Variants in PDZRN3 observed in about 807,000 individuals in gnomAD.
PDZRN3 encodes PDZ domain containing ring finger 3.
In PDZRN3, 38 loss-of-function variants were observed where a neutral mutation model predicts 85.7. That is an observed-to-expected ratio of 0.44 (90% CI 0.34 to 0.58). The LOEUF (loss-of-function observed/expected upper bound fraction) is 0.58. PDZRN3 is among the 20% of genes least tolerant of loss of function. PDZRN3 has a pLI of 0.01. For missense variants in PDZRN3, 1,629 were observed against 1,506.4 expected (o/e 1.08, Z -1.35); for synonymous variants, 759 against 638.0 (o/e 1.19, Z -2.86).
At position 73,384,412 on chromosome 3, in the gene PDZRN3, G is replaced by T. The variant is rs755992459; in HGVS notation, c.2154C>A (p.Ser718=). The T allele has an allele frequency of 5.6e-6, 9 of 1,610,188 alleles. No individual in the cohort carries two copies. The highest frequency in any genetic ancestry group is 7.6e-6 in the Non-Finnish European group (9 of 1,179,942). The change falls in exon 10 of 10, where the codon TCC becomes TCA. Residue 718 remains serine (S), a synonymous_variant. Coordinates refer to ENST00000263666, the MANE Select transcript of PDZRN3 (RefSeq NM_015009.3). ...MQQLKEQYRE[S]WMLHNSGFRN... is the part of the protein sequence containing the mutation. ...GGAAGCCGCTGTTGTGCAGCATCCAGGACTCGCGGTACTGCTCCTTGAGCT... is the reference window on the plus strand; with the variant it reads ...GGAAGCCGCTGTTGTGCAGCATCCATGACTCGCGGTACTGCTCCTTGAGCT...
At chr3:73,575,708 C>T (rs558440636) in intron 3 of PDZRN3, among the ~76,000 whole-genome samples, 3 of 152,250 alleles carry the variant, frequency 2.0e-5, no homozygotes, top group Admixed American at 6.5e-5. Context: ...GGCTCTAGTC[C>T]CAACTCTGCA....
intron 3 of PDZRN3, among the ~76,000 whole-genome samples, chr3:73,532,204 A>G (rs890733290): frequency 5.9e-5 from 9 of 151,534 alleles, no homozygotes; most frequent in African/African-American, 1.9e-4. Context: ...ACGGGGTTTC[A>G]CCGTGTTAGG....
intron 3 of PDZRN3, among the ~76,000 whole-genome samples, chr3:73,459,133 TGCCA>T (rs1163829463): frequency 6.6e-6 from 1 of 151,458 alleles, no homozygotes; most frequent in African/African-American, 2.4e-5. Flanking sequence ...AGAGAATGAG[TGCCA>T]GCAAGGGAAA....
intron 3 of PDZRN3, among the ~76,000 whole-genome samples, chr3:73,414,088 A>T (rs1702028700): frequency 6.6e-6 from 1 of 152,236 alleles, no homozygotes; most frequent in Non-Finnish European, 1.5e-5. Flanking sequence ...GGCATAAAAA[A>T]ATAGTACAGT....
intron 5 of PDZRN3, among the ~76,000 whole-genome samples, chr3:73,391,958 C>T (rs982659576): frequency 1.3e-5 from 2 of 152,146 alleles, no homozygotes; most frequent in African/African-American, 4.8e-5. Context: ...GTTATCTGCT[C>T]ACCAAGCAGG....
chr3:73,527,442 C>T (rs1029026044), intron 3 of PDZRN3, among the ~76,000 whole-genome samples: 4 of 152,038 alleles, frequency 2.6e-5, no homozygotes, highest in Non-Finnish European at 5.9e-5. Context: ...CTGAGGTCCT[C>T]GAATGTGCAG....
At chr3:73,589,995 T>C (rs1702332016) in intron 3 of PDZRN3, among the ~76,000 whole-genome samples, 1 of 151,938 alleles carries the variant, frequency 6.6e-6, no homozygotes, top group Non-Finnish European at 1.5e-5. Context: ...TTAGCTGGGC[T>C]CAGCGGCTCA....
intron 3 of PDZRN3, among the ~76,000 whole-genome samples, chr3:73,449,626 G>A (rs1360271142): frequency 3.3e-5 from 5 of 152,142 alleles, no homozygotes; most frequent in African/African-American, 1.2e-4. Flanking sequence ...CGAACAACGC[G>A]TGTAAAATTA....
intron 3 of PDZRN3, among the ~76,000 whole-genome samples, chr3:73,553,748 C>G (rs1015251711): frequency 6.6e-6 from 1 of 152,180 alleles, no homozygotes; most frequent in Non-Finnish European, 1.5e-5. Flanking sequence ...AATGTCAATA[C>G]AGGCTGGAGG....
chr3:73,527,397 A>G (rs554609024), intron 3 of PDZRN3, among the ~76,000 whole-genome samples: 9 of 152,296 alleles, frequency 5.9e-5, no homozygotes, highest in African/African-American at 1.9e-4. Context: ...TTAGAAACGG[A>G]TATCTTGCAT....
intron 3 of PDZRN3, among the ~76,000 whole-genome samples, chr3:73,596,299 G>A (rs1462407187): frequency 6.6e-6 from 1 of 152,082 alleles, no homozygotes; most frequent in Non-Finnish European, 1.5e-5. Context: ...CAACTAATGT[G>A]GAAGGATTGG....
At chr3:73,452,495 T>C (rs975550327) in intron 3 of PDZRN3, among the ~76,000 whole-genome samples, 4 of 152,192 alleles carry the variant, frequency 2.6e-5, no homozygotes, top group Non-Finnish European at 5.9e-5. Flanking sequence ...CTCTCTATGA[T>C]TTCACTGAAG....
intron 3 of PDZRN3, among the ~76,000 whole-genome samples, chr3:73,448,344 G>C (rs1385719545): frequency 6.6e-6 from 1 of 152,204 alleles, no homozygotes; most frequent in Non-Finnish European, 1.5e-5. Flanking sequence ...CAGCATTAAT[G>C]GTAAATGCTC....
chr3:73,392,519 A>C (rs1471009297), intron 5 of PDZRN3, among the ~76,000 whole-genome samples: 1 of 152,184 alleles, frequency 6.6e-6, no homozygotes, highest in Non-Finnish European at 1.5e-5. Flanking sequence ...CCGTGTCCTC[A>C]CTAGTACCTG....
intron 1 of PDZRN3, among the ~76,000 whole-genome samples, chr3:73,615,664 TCTAGGGGTTC>T (rs1195459435): frequency 6.6e-6 from 1 of 152,178 alleles, no homozygotes; most frequent in Non-Finnish European, 1.5e-5. Context: ...AGCACCTTGA[TCTAGGGGTTC>T]CTAGCCTCCA....
At chr3:73,455,694 C>T (rs142926466) in intron 3 of PDZRN3, among the ~76,000 whole-genome samples, 2 of 152,254 alleles carry the variant, frequency 1.3e-5, no homozygotes, top group East Asian at 3.9e-4. Flanking sequence ...ATGTAATATG[C>T]TAGTTTAAAT....
At position 73,538,972 on chromosome 3, in the gene PDZRN3, G is replaced by T. The variant is rs1167130147; in HGVS notation, c.918+63382C>A. Among the ~76,000 whole-genome samples, 4 of 152,090 alleles carry T rather than the reference G, an allele frequency of 2.6e-5. No homozygotes were observed. In the East Asian group the frequency reaches 7.7e-4, roughly 29 times the overall value. ...GATCAAACTGCTTTCTAGTAACAAA[G>T]CATATTCTCAAAGAAATGTTAATTT... On this transcript the variant is annotated intron_variant, in intron 3 of 9. Coordinates refer to ENST00000263666, the MANE Select transcript of PDZRN3 (RefSeq NM_015009.3).
intron 3 of PDZRN3, among the ~76,000 whole-genome samples, chr3:73,408,482 C>T (rs1701898915): frequency 6.6e-6 from 1 of 151,924 alleles, no homozygotes; most frequent in African/African-American, 2.4e-5. Flanking sequence ...ATTTGTATGC[C>T]GTAAGGCTTC....
intron 3 of PDZRN3, among the ~76,000 whole-genome samples, chr3:73,493,640 C>A (rs4277629): frequency 0.97 from 147,798 of 152,202 alleles, 71,877 homozygotes; most frequent in East Asian, 1. Context: ...TCCACTAGGG[C>A]AGCCATCCCT....
Sources: allele counts gnomAD v4.1 joint callset (sites outside exome capture counted in the v4.1 genomes callset), GRCh38; gene constraint gnomAD v4.1.1; transcripts MANE v1.5; gene names NCBI Gene and HGNC (gene_info 2026-07-23, HGNC 2026-07-21).